Variants in SLC30A8 observed in about 807,000 individuals in gnomAD.
SLC30A8 encodes the protein solute carrier family 30 member 8.
SLC30A8 carries 27 observed loss-of-function variants against 36.9 expected under a neutral mutation model. The observed-to-expected ratio is 0.73, with a 90% CI of 0.54 to 1.01. The LOEUF is 1.01. Ranked by LOEUF, SLC30A8 falls within the 50% of genes least tolerant of loss-of-function variation. The pLI, the probability that SLC30A8 is intolerant of heterozygous loss-of-function variation, is 0.00. For synonymous variants in SLC30A8, 164 were observed against 172.4 expected (o/e 0.95, Z 0.38); for missense variants, 439 against 452.0 (o/e 0.97, Z 0.26).
intron 1 of SLC30A8, among the ~76,000 whole-genome samples, chr8:116,972,661 T>A (rs1269805109): frequency 6.6e-6 from 1 of 152,210 alleles, no homozygotes; most frequent in Non-Finnish European, 1.5e-5. Flanking sequence ...ACCAGTAGAC[T>A]TTTTACAATT....
At chr8:117,143,306 C>T (rs184542841) in intron 1 of SLC30A8, among the ~76,000 whole-genome samples, 370 of 152,050 alleles carry the variant, frequency 2.4e-3, no homozygotes, top group Non-Finnish European at 3.8e-3. Flanking sequence ...TCTTTTTCTC[C>T]GTCTTTTTTC....
intron 2 of SLC30A8, among the ~76,000 whole-genome samples, chr8:117,066,417 T>G (rs1421966119): frequency 1.3e-5 from 2 of 152,194 alleles, no homozygotes; most frequent in African/African-American, 4.8e-5. Context: ...AGGGCCCTGG[T>G]GATCCAGGTG....
chr8:116,998,584 C>A (rs894107131), intron 1 of SLC30A8, among the ~76,000 whole-genome samples: 3 of 151,944 alleles, frequency 2.0e-5, no homozygotes, highest in Non-Finnish European at 4.4e-5. Context: ...AGAATGTGAT[C>A]TTATATGGGA....
chr8:116,966,852 A>G (rs2130606822), intron 1 of SLC30A8, among the ~76,000 whole-genome samples: 1 of 152,338 alleles, frequency 6.6e-6, no homozygotes, highest in African/African-American at 2.4e-5. Context: ...ATGGAATTGA[A>G]TCTCACAAAA....
chr8:117,075,189 AGTAAACAAGCTT>A, intron 2 of SLC30A8, among the ~76,000 whole-genome samples: 1 of 152,128 alleles, frequency 6.6e-6, no homozygotes, highest in Non-Finnish European at 1.5e-5. Flanking sequence ...TCACAAACAT[AGTAAACAAGCTT>A]GCAGTAACCT....
At chr8:117,045,188 G>A (rs545289377) in intron 2 of SLC30A8, among the ~76,000 whole-genome samples, 4 of 152,246 alleles carry the variant, frequency 2.6e-5, no homozygotes, top group African/African-American at 9.6e-5. Context: ...TGGACCATTA[G>A]CCTTATTCTT....
chr8:116,976,242 CTTTTT>C (rs78495363), intron 1 of SLC30A8, among the ~76,000 whole-genome samples: 6 of 118,062 alleles, frequency 5.1e-5, no homozygotes, highest in African/African-American at 1.8e-4. Flanking sequence ...AGTTCTCTCT[CTTTTT>C]TTTTTTTTTT....
At chr8:117,063,109 G>T (rs1163473720) in intron 2 of SLC30A8, among the ~76,000 whole-genome samples, 1 of 152,164 alleles carries the variant, frequency 6.6e-6, no homozygotes, top group Non-Finnish European at 1.5e-5. Flanking sequence ...AGCGGCTAGG[G>T]CTTCCCATCA....
At chr8:117,019,358 A>T (rs1319113313) in intron 1 of SLC30A8, among the ~76,000 whole-genome samples, 1 of 152,204 alleles carries the variant, frequency 6.6e-6, no homozygotes, top group Non-Finnish European at 1.5e-5. Flanking sequence ...TCACAATTTC[A>T]TACAAAAATA....
In SLC30A8 at chr8:117,163,478, C is replaced by G; in HGVS notation, c.777C>G (p.Val259=). ...GCACATTCATCTTTTCCATCCTGGT[C>G]TTGGCCAGCACCATCACTATCTTAA... ...PICTFIFSIL[V]LASTITILKD... Residue 259 remains valine, a synonymous_variant, in exon 6 of 8, where the codon GTC becomes GTG. Transcript: ENST00000456015. 1 of 1,613,588 alleles carries G rather than the reference C, an allele frequency of 6.2e-7. No homozygotes were observed. The highest frequency in any genetic ancestry group is 8.5e-7 in the Non-Finnish European group (1 of 1,179,722).
At chr8:116,970,265 G>A (rs1814748482) in intron 1 of SLC30A8, among the ~76,000 whole-genome samples, 1 of 152,078 alleles carries the variant, frequency 6.6e-6, no homozygotes, top group South Asian at 2.1e-4. Flanking sequence ...CCACTGGAAG[G>A]ACTTTAGGGG....
In SLC30A8 at chr8:117,135,112, G is replaced by A. The variant is rs779265732; in HGVS notation, c.-216G>A. On this transcript the variant is annotated 5_prime_UTR_variant, in exon 1 of 8. In the 5' UTR this introduces an upstream ATG that the reference lacks. Coordinates refer to ENST00000456015, the MANE Select transcript of SLC30A8 (RefSeq NM_173851.3). The stretch of plus-strand genomic sequence containing the variant: ...CTCCCTAGAAAAGCAGTTTTTGTAG[G>A]TGAAAACAATGAAGCCAGGTAATAT... 45 of 393,794 alleles carry A rather than the reference G, an allele frequency of 1.1e-4. No homozygotes were observed. Among genetic ancestry groups the A allele is most frequent in the Admixed American group, 3.5e-4 (8 of 23,180 alleles). 24.4% of individuals were successfully genotyped at this position (393,794 alleles called of 1,614,324 possible). A position where few individuals can be genotyped will look rare whatever the true frequency, so the allele number is the denominator to read the frequency against.
At chr8:117,114,991 C>T (rs1820384538) in intron 2 of SLC30A8, among the ~76,000 whole-genome samples, 1 of 152,068 alleles carries the variant, frequency 6.6e-6, no homozygotes, top group Non-Finnish European at 1.5e-5. Context: ...TCACTGTAGG[C>T]TCAAACTCCT....
At chr8:116,985,910 T>C (rs1433484340) in intron 1 of SLC30A8, among the ~76,000 whole-genome samples, 2 of 152,246 alleles carry the variant, frequency 1.3e-5, no homozygotes, top group East Asian at 3.9e-4. Context: ...TCCTGTAAAA[T>C]TAAAATTGTT....
upstream of SLC30A8, among the ~76,000 whole-genome samples, chr8:117,131,277 T>G (rs983681835): frequency 6.6e-6 from 1 of 152,062 alleles, no homozygotes; most frequent in African/African-American, 2.4e-5. Flanking sequence ...ATGTCTTTGT[T>G]TTCACATTTC....
Position 117,135,252 on chromosome 8 carries a change from GTGC to G in SLC30A8, c.-71_-69del. 9.7e-7 allele frequency: 1 copy of G among 1,027,890 alleles called. No homozygotes were observed. The highest frequency in any genetic ancestry group is 1.4e-6 in the Non-Finnish European group (1 of 695,338). The allele number at this position is 1,027,890 out of a possible 1,614,324, so 63.7% of individuals were successfully genotyped here. A position where few individuals can be genotyped will look rare whatever the true frequency, so the allele number is the denominator to read the frequency against. On this transcript the variant is annotated 5_prime_UTR_variant, in exon 1 of 8. Coordinates refer to ENST00000456015, the MANE Select transcript of SLC30A8 (RefSeq NM_173851.3). ...TTTAGAAAGTGTATAAATAATTGCAGTGCTGCTTTGCTTCCAAAACTGGGCAGT... is the reference window on the plus strand; with the variant it reads ...TTTAGAAAGTGTATAAATAATTGCAGTGCTTTGCTTCCAAAACTGGGCAGT...
intron 1 of SLC30A8, among the ~76,000 whole-genome samples, chr8:116,988,391 C>G (rs1259652931): frequency 6.6e-6 from 1 of 152,184 alleles, no homozygotes; most frequent in African/African-American, 2.4e-5. Flanking sequence ...CAATCCAGTC[C>G]CCCTTGCATG....
rs994231782 is a variant in SLC30A8, at chr8:116,979,260, A to G, written c.-266+28141A>G. Among the ~76,000 whole-genome samples the G allele has an allele frequency of 4.6e-5, 7 of 151,730 alleles. No individual in the cohort carries two copies. In the East Asian group the frequency reaches 5.8e-4, roughly 13 times the overall value. ...TCTCAAAAAAAAAAAAAAAAAAAAAAAAAAGAAAACAAATCATAAAGATAA... is the reference window on the plus strand; with the variant it reads ...TCTCAAAAAAAAAAAAAAAAAAAAAGAAAAGAAAACAAATCATAAAGATAA... On this transcript the variant is annotated intron_variant, in intron 1 of 10. Transcript: ENST00000427715.
At chr8:116,977,111 C>G (rs1414593710) in intron 1 of SLC30A8, among the ~76,000 whole-genome samples, 1 of 146,830 alleles carries the variant, frequency 6.8e-6, no homozygotes, top group East Asian at 2.0e-4. Flanking sequence ...GCCACCGTGC[C>G]TGGCCTTTTC....
Sources: gnomAD v4.1 joint callset for allele counts (sites outside exome capture counted in the v4.1 genomes callset) on GRCh38, gnomAD v4.1.1 for gene constraint, MANE v1.5 for transcripts, NCBI Gene and HGNC (gene_info 2026-07-23, HGNC 2026-07-21) for gene names.